The following GON4L variants were observed in gnomAD, a reference collection of about 807,000 sequenced individuals.
GON4L encodes the protein GON-4-like protein.
GON4L carries 87 observed loss-of-function variants against 211.8 expected under a neutral mutation model. That is an observed-to-expected ratio of 0.41 (90% CI 0.35 to 0.49). The LOEUF is 0.49. GON4L is among the 20% of genes least tolerant of loss of function. The pLI, the probability that GON4L is intolerant of heterozygous loss-of-function variation, is 0.15. For synonymous variants in GON4L, 875 were observed against 962.6 expected (o/e 0.91, Z 1.68); for missense variants, 2,155 against 2,659.5 (o/e 0.81, Z 4.17).
intron 8 of GON4L, 70 bp from the exon 9 acceptor site, chr1:155,814,519 A>C: frequency 5.8e-5 from 84 of 1,441,180 alleles, no homozygotes; most frequent in Non-Finnish European, 7.2e-5. Context: ...GAAGTATCTC[A>C]AGAGAAGGAA....
intron 20 of GON4L, chr1:155,767,162 T>C: frequency 1.2e-6 from 1 of 859,978 alleles, no homozygotes; most frequent in South Asian, 1.9e-5. Context: ...ATATCAAATC[T>C]ACAAAGACCA....
chr1:155,813,751 G>T lies in GON4L; in HGVS notation c.1335C>A (p.Pro445=). The T allele has an allele frequency of 6.2e-7, 1 of 1,613,810 alleles. No homozygotes were observed. The highest frequency in any genetic ancestry group is 8.5e-7 in the Non-Finnish European group (1 of 1,179,712). The part of the protein sequence containing the change: ...AIRHISAEVV[P]MGPPPPPKPK... ...GCTTTGGAGGGGGCGGGGGCCCCAT[G>T]GGCACTACCTCAGCACTGATGTGCC... The change falls in exon 10 of 32, where the codon CCC becomes CCA. Residue 445 remains proline, a synonymous_variant. Coordinates refer to ENST00000368331, the MANE Select transcript of GON4L (RefSeq NM_001282860.2).
chr1:155,756,714 A>G, intron 27 of GON4L: 1 of 427,028 alleles, frequency 2.3e-6, no homozygotes, highest in East Asian at 4.9e-5. Flanking sequence ...CACTTGAGGT[A>G]AGGAGTTCGA....
intron 11 of GON4L, among the ~76,000 whole-genome samples, chr1:155,795,862 T>A (rs1666021874): frequency 6.6e-6 from 1 of 152,154 alleles, no homozygotes; most frequent in Non-Finnish European, 1.5e-5. Flanking sequence ...GGTCTTGAAC[T>A]CCTGGGCTCA....
chr1:155,855,180 A>AC (rs1287097913), intron 1 of GON4L, among the ~76,000 whole-genome samples: 1 of 152,180 alleles, frequency 6.6e-6, no homozygotes, highest in African/African-American at 2.4e-5. Context: ...GGCATTACTG[A>AC]CCTAAACCAG....
At chr1:155,801,225 T>G (rs1252200967) in intron 11 of GON4L, among the ~76,000 whole-genome samples, 1 of 151,772 alleles carries the variant, frequency 6.6e-6, no homozygotes, top group Non-Finnish European at 1.5e-5. Flanking sequence ...GATATGTATC[T>G]CCCAAAAATC....
chr1:155,794,951 C>T, intron 12 of GON4L, 99 bp downstream of exon 12: 4 of 765,136 alleles, frequency 5.2e-6, no homozygotes, highest in Non-Finnish European at 9.6e-6. Flanking sequence ...AATGTCTTAA[C>T]ATGGATGAGC....
chr1:155,748,127 T>C, downstream of GON4L: 1 of 1,595,520 alleles, frequency 6.3e-7, no homozygotes, highest in African/African-American at 1.4e-5. Flanking sequence ...TGCATTATGA[T>C]GTAAGTCTCG....
intron 2 of GON4L, chr1:155,845,604 A>G (rs1040500995): frequency 3.1e-6 from 1 of 321,564 alleles, no homozygotes; most frequent in Admixed American, 3.4e-5. Context: ...AAAAACACAT[A>G]CAGAATGTTT....
intron 12 of GON4L, among the ~76,000 whole-genome samples, chr1:155,788,554 C>T (rs148753348): frequency 2.8e-3 from 420 of 152,188 alleles, no homozygotes; most frequent in African/African-American, 9.8e-3. Flanking sequence ...AAAAGTTCAG[C>T]GCAGCTTTAT....
At chr1:155,799,912 T>C (rs916553877) in intron 11 of GON4L, among the ~76,000 whole-genome samples, 2 of 152,188 alleles carry the variant, frequency 1.3e-5, no homozygotes, top group Admixed American at 6.6e-5. Flanking sequence ...GCACAGCTTA[T>C]TATGAAGGCT....
At chr1:155,819,395 G>A (rs1668543597) in intron 6 of GON4L, among the ~76,000 whole-genome samples, 1 of 152,190 alleles carries the variant, frequency 6.6e-6, no homozygotes, top group Non-Finnish European at 1.5e-5. Context: ...GAAAAGTAAT[G>A]TGGAAGAATA....
intron 2 of GON4L, among the ~76,000 whole-genome samples, chr1:155,852,787 G>A (rs191848370): frequency 1.5e-3 from 221 of 151,762 alleles, no homozygotes; most frequent in Non-Finnish European, 2.4e-3. Flanking sequence ...ATAGCGAATG[G>A]GAGGGGAAAA....
intron 6 of GON4L, among the ~76,000 whole-genome samples, chr1:155,819,845 A>G (rs1571855369): frequency 6.6e-6 from 1 of 152,326 alleles, no homozygotes; most frequent in East Asian, 1.9e-4. Flanking sequence ...TTGCCAATGC[A>G]TATTCCAAGG....
chr1:155,848,638 A>G (rs967075551), intron 2 of GON4L, among the ~76,000 whole-genome samples: 8 of 152,174 alleles, frequency 5.3e-5, no homozygotes, highest in African/African-American at 1.2e-4. Context: ...CAAAAAGTAT[A>G]TATTTATGGT....
Position 155,766,390 on chromosome 1 carries a change from G to C in GON4L, c.3083C>G (p.Ser1028Ter), listed in dbSNP as rs543522601. The change falls in exon 21 of 32, where the codon TCA (serine) becomes TGA (stop). Residue 1028 changes from serine (S) to a stop codon, truncating the protein, a stop_gained. Transcript: ENST00000368331. LOFTEE classifies it high-confidence loss of function. ...CACCATTTTGCTCGGAGGGGCTTCT[G>C]AATGAGTTGATCGGGCTGGTGTTTT... The part of the protein sequence containing the change: ...PGKTPARSTH[S>*]EAPPSKMVLR... The C allele has an allele frequency of 1.2e-6, 2 of 1,614,050 alleles. No homozygotes were observed. Among genetic ancestry groups the C allele is most frequent in the Non-Finnish European group, 1.7e-6 (2 of 1,180,044 alleles).
At chr1:155,813,846 A>AGAAAGAAAGAGAAAGCAAAAAAAG (rs1668000192) in intron 9 of GON4L, 42 bp from the exon 10 acceptor site, 8 of 1,532,136 alleles carry the variant, frequency 5.2e-6, no homozygotes, top group Non-Finnish European at 3.6e-6. Context: ...GAAGGAGGTA[A>AGAAAGAAAGAGAAAGCAAAAAAAG]GAAAGAAAGA....
At position 155,760,551 on chromosome 1, in the gene GON4L, C is replaced by T. The variant is rs1236560560; in HGVS notation, c.5002G>A (p.Ala1668Thr). ...EFESSTQRRTAVDLYKSLQIL... is the reference protein window; with the variant it reads ...EFESSTQRRTTVDLYKSLQIL... Reference sequence around the variant, plus strand: ...TGCAGGCTTTTGTAGAGATCTACAGCCGTCCGTCTCTGGGTACTTGACTCA... The same window carrying T: ...TGCAGGCTTTTGTAGAGATCTACAGTCGTCCGTCTCTGGGTACTTGACTCA... Residue 1668 changes from alanine (A) to threonine (T), a missense_variant, in exon 24 of 32, where the codon GCT becomes ACT. By Grantham distance (58) the Ala-to-Thr change is moderately conservative. Coordinates refer to ENST00000368331, the MANE Select transcript of GON4L (RefSeq NM_001282860.2). The T allele has an allele frequency of 6.2e-7, 1 of 1,612,568 alleles. No homozygotes were observed. Among genetic ancestry groups the T allele is most frequent in the Non-Finnish European group, 8.5e-7 (1 of 1,178,596 alleles).
rs1336852327 is a variant in GON4L, at chr1:155,766,587, C to T, written c.2886G>A (p.Glu962=). 2 of 1,614,182 alleles carry T rather than the reference C, an allele frequency of 1.2e-6. No homozygotes were observed. The highest frequency in any genetic ancestry group is 1.3e-5 in the African/African-American group (1 of 75,062). ...GTGGGTACCGAGATTCACTCCCCAACTCCAAATTGTCTTTTTCTAGGCTTC... is the reference window on the plus strand; with the variant it reads ...GTGGGTACCGAGATTCACTCCCCAATTCCAAATTGTCTTTTTCTAGGCTTC... ...SDRSLEKDNL[E]LGSESRYPLL... is the part of the protein sequence containing the mutation. Residue 962 remains glutamate (E), a synonymous_variant, in exon 21 of 32, where the codon GAG becomes GAA. Transcript: ENST00000368331.
Sources: allele counts gnomAD v4.1 joint callset (sites outside exome capture counted in the v4.1 genomes callset), GRCh38; gene constraint gnomAD v4.1.1; transcripts MANE v1.5; gene names NCBI Gene and HGNC (gene_info 2026-07-23, HGNC 2026-07-21).